The following HELZ variants were observed in gnomAD, a reference collection of about 807,000 sequenced individuals.
HELZ encodes ATP-dependent RNA helicase with zinc finger domain.
HELZ carries 23 observed loss-of-function variants against 218.2 expected under a neutral mutation model. That is an observed-to-expected ratio of 0.11 (90% CI 0.08 to 0.15). The LOEUF (loss-of-function observed/expected upper bound fraction) is 0.15, where lower values mean the gene tolerates loss of function less well. Ranked by LOEUF, HELZ falls within the 10% of genes least tolerant of loss-of-function variation. HELZ has a pLI of 1.00. For synonymous variants in HELZ, 814 were observed against 829.4 expected (o/e 0.98, Z 0.32); for missense variants, 1,813 against 2,353.7 (o/e 0.77, Z 4.75).
chr17:67,228,660 C>CA (rs202058543), intron 3 of HELZ, among the ~76,000 whole-genome samples: 4,392 of 118,088 alleles, frequency 0.037, 211 homozygotes, highest in African/African-American at 0.12. Context: ...GACTTTGTCT[C>CA]AAAAAAAAAA....
intron 17 of HELZ, among the ~76,000 whole-genome samples, chr17:67,154,628 T>C (rs1253408595): frequency 6.6e-6 from 1 of 152,154 alleles, no homozygotes; most frequent in Non-Finnish European, 1.5e-5. Context: ...AAGCCTGAAG[T>C]TGATAATCAT....
chr17:67,099,865 G>A (rs2036869166), intron 31 of HELZ, among the ~76,000 whole-genome samples: 1 of 151,086 alleles, frequency 6.6e-6, no homozygotes, highest in South Asian at 2.1e-4. Context: ...GATGGTGCCA[G>A]AAATTTTAAT....
intron 31 of HELZ, among the ~76,000 whole-genome samples, chr17:67,104,446 A>AG (rs1321083805): frequency 6.6e-6 from 1 of 151,836 alleles, no homozygotes; most frequent in Admixed American, 6.6e-5. Flanking sequence ...TTCAAAAAAA[A>AG]AAACAAACAA....
chr17:67,220,006 T>C lies in HELZ; in HGVS notation c.-18-1184A>G, dbSNP rs144300650. 4.7e-3 allele frequency among the ~76,000 whole-genome samples: 709 copies of C among 152,292 alleles called. 5 individuals are homozygous for C. Among genetic ancestry groups the C allele is most frequent in the African/African-American group, 0.016 (674 of 41,564 alleles). On this transcript the variant is annotated intron_variant, in intron 3 of 32. Coordinates refer to ENST00000358691, the MANE Select transcript of HELZ (RefSeq NM_014877.4). ...CTCTTGCTGACCATCTCTGTCAAAC[T>C]TACAGATTGCTTTCCGTGCCTGCAT...
intron 25 of HELZ, 104 bp downstream of exon 25, chr17:67,123,859 G>C (rs1231378619): frequency 1.3e-6 from 1 of 783,414 alleles, no homozygotes; most frequent in African/African-American, 1.7e-5. Context: ...GAGAGAAAGA[G>C]AGAGAGAAAC....
At chr17:67,114,112 C>A (rs2037361848) in intron 28 of HELZ, among the ~76,000 whole-genome samples, 1 of 152,076 alleles carries the variant, frequency 6.6e-6, no homozygotes, top group Admixed American at 6.5e-5. Context: ...CACTGAATAA[C>A]AGAATTTGAG....
At chr17:67,115,925 T>C (rs2037410819) in intron 27 of HELZ, among the ~76,000 whole-genome samples, 1 of 152,172 alleles carries the variant, frequency 6.6e-6, no homozygotes, top group Non-Finnish European at 1.5e-5. Context: ...ATTTTTCTTA[T>C]AATTTAGAAC....
At position 67,220,852 on chromosome 17, in the gene HELZ, C is replaced by CA. The variant is rs933459483; in HGVS notation, c.-18-2031_-18-2030insT. Among the ~76,000 whole-genome samples, 570 of 141,708 alleles carry CA rather than the reference C, an allele frequency of 4.0e-3. 10 individuals carry two copies. Among genetic ancestry groups the CA allele is most frequent in the African/African-American group, 0.014 (553 of 38,356 alleles). The allele number at this position is 141,708 out of a possible 152,430, so 93.0% of individuals were successfully genotyped here. ...TTAATTGTGTTATTAAGATAACTCCCCCCCCCCCAAAAAAAAAGAGTACTG... is the reference window on the plus strand; with the variant it reads ...TTAATTGTGTTATTAAGATAACTCCCACCCCCCCCAAAAAAAAAGAGTACTG... On this transcript the variant is annotated intron_variant, in intron 3 of 32. Coordinates refer to ENST00000358691, the MANE Select transcript of HELZ (RefSeq NM_014877.4).
intron 23 of HELZ, among the ~76,000 whole-genome samples, chr17:67,135,215 CT>C (rs1177904844): frequency 1.3e-5 from 2 of 152,134 alleles, no homozygotes; most frequent in African/African-American, 2.4e-5. Context: ...GTCTAACCCC[CT>C]AATGTTAAGA....
chr17:67,128,291 A>C (rs1454734527), intron 24 of HELZ, among the ~76,000 whole-genome samples: 1 of 152,254 alleles, frequency 6.6e-6, no homozygotes, highest in Non-Finnish European at 1.5e-5. Context: ...TTCCTTATAA[A>C]GAATATAAGG....
intron 31 of HELZ, among the ~76,000 whole-genome samples, chr17:67,089,672 G>T (rs202070777): frequency 0.16 from 9,843 of 62,934 alleles, 498 homozygotes; most frequent in Non-Finnish European, 0.18. Flanking sequence ...TATATATAGA[G>T]AGAGAGAGAG....
intron 21 of HELZ, among the ~76,000 whole-genome samples, chr17:67,139,741 C>G (rs559677230): frequency 6.6e-6 from 1 of 152,212 alleles, no homozygotes; most frequent in African/African-American, 2.4e-5. Context: ...TGGACTGCCC[C>G]CTTTCCCCCA....
intron 12 of HELZ, among the ~76,000 whole-genome samples, chr17:67,181,054 AAAATAAAT>A (rs891447151): frequency 3.3e-5 from 5 of 152,002 alleles, no homozygotes; most frequent in Admixed American, 1.3e-4. Context: ...TCTGTCTCAA[AAAATAAAT>A]AAATAAATAA....
intron 28 of HELZ, 114 bp downstream of exon 28, chr17:67,114,210 A>C (rs1042893705): frequency 1.8e-5 from 13 of 714,960 alleles, no homozygotes; most frequent in Non-Finnish European, 2.7e-5. Context: ...CTGTGAAAAA[A>C]TAAACATAAA....
At position 67,189,641 on chromosome 17, in the gene HELZ, G is replaced by C; in HGVS notation, c.812C>G (p.Thr271Ser). 1 of 1,613,760 alleles carries C rather than the reference G, an allele frequency of 6.2e-7. No individual in the cohort carries two copies. The highest frequency in any genetic ancestry group is 8.5e-7 in the Non-Finnish European group (1 of 1,179,720). ...CTGGTGGGATTTTTTGGTGCTGACAGTAACTGACAGGTCAGGATTGTGCTC... is the reference window on the plus strand; with the variant it reads ...CTGGTGGGATTTTTTGGTGCTGACACTAACTGACAGGTCAGGATTGTGCTC... ...KVEHNPDLSV[T>S]VSTKKSHQTW... The change falls in exon 11 of 33, where the codon ACT becomes AGT. Residue 271 changes from threonine to serine, a missense_variant. By Grantham distance (58) the Thr-to-Ser change is moderately conservative. Coordinates refer to ENST00000358691, the MANE Select transcript of HELZ (RefSeq NM_014877.4).
In HELZ at chr17:67,239,245, G is replaced by A. The variant is rs574576691; in HGVS notation, c.-19+188C>T. On this transcript the variant is annotated intron_variant, in intron 3 of 32. Transcript: ENST00000358691. The stretch of plus-strand genomic sequence containing the variant: ...TTTCACACACTAACCTGACAAGGCA[G>A]CAGGCAGTCTCTTCGGAGCTTGTTC... Among the ~76,000 whole-genome samples, 3 of 152,346 alleles carry A rather than the reference G, an allele frequency of 2.0e-5. No individual in the cohort carries two copies. The South Asian group carries it at 6.2e-4, about 32-fold the overall frequency.
At chr17:67,167,189 A>C (rs1408642412) in intron 14 of HELZ, among the ~76,000 whole-genome samples, 1 of 152,232 alleles carries the variant, frequency 6.6e-6, no homozygotes, top group Admixed American at 6.5e-5. Flanking sequence ...TAGCTTACAT[A>C]GTTTCTTTTC....
rs1239634060 is a variant in HELZ, at chr17:67,107,393, G to A, written c.5017C>T (p.Pro1673Ser). The A allele has an allele frequency of 3.1e-6, 5 of 1,614,232 alleles. No homozygotes were observed. Among genetic ancestry groups the A allele is most frequent in the Non-Finnish European group, 4.2e-6 (5 of 1,180,050 alleles). Residue 1673 changes from proline to serine, a missense_variant, in exon 31 of 33, where the codon CCC becomes TCC. By Grantham distance (74) the Pro-to-Ser change is moderately conservative (BLOSUM62 -1). Around this residue, in one of 4 missense-constraint regions of HELZ, gnomAD observed 938 missense variants for 1,027.5 expected, o/e 0.91. Transcript: ENST00000358691. ...SLPSEHLAPP[P>S]LKYLAPDGAW... ...CCATCAGGTGCCAGGTATTTCAAGG[G>A]AGGAGGGGCAAGGTGTTCAGATGGC... is the stretch of plus-strand genomic sequence containing the variant.
chr17:67,170,826 CA>C (rs71368805), intron 13 of HELZ, among the ~76,000 whole-genome samples: 155 of 119,274 alleles, frequency 1.3e-3, no homozygotes, highest in Middle Eastern at 4.4e-3. Flanking sequence ...GACTCCATCT[CA>C]AAAAAAAAAA....
Sources: gnomAD v4.1 joint callset for allele counts (sites outside exome capture counted in the v4.1 genomes callset) on GRCh38, gnomAD v4.1.1 for gene constraint, gnomAD v4.1.1 regional missense constraint, MANE v1.5 for transcripts, NCBI Gene and HGNC (gene_info 2026-07-23, HGNC 2026-07-21) for gene names.